Variants in DPP6 observed in about 807,000 individuals in gnomAD.
The protein encoded by DPP6 is A-type potassium channel modulatory protein DPP6.
A neutral mutation model predicts 122.6 loss-of-function variants in DPP6; 69 were observed. That is an observed-to-expected ratio of 0.56 (90% CI 0.46 to 0.69). DPP6 has a LOEUF of 0.69. DPP6 is among the 30% of genes least tolerant of loss of function. DPP6 has a pLI of 0.00. For synonymous variants in DPP6, 418 were observed against 433.1 expected (o/e 0.97, Z 0.43); for missense variants, 928 against 1,116.9 (o/e 0.83, Z 2.41).
Position 154,403,486 on chromosome 7 carries a change from C to T in DPP6, c.244-42728C>T, listed in dbSNP as rs1815819117. ...CCATGCATGAAGACAGGCTGGGGGG[C>T]GCTAATGCAGCTTTCTCTCCTGGAG... On this transcript the variant is annotated intron_variant, in intron 1 of 25. Transcript: ENST00000377770. The surrounding 1 kb of genome is among the most constrained non-coding windows in gnomAD (Gnocchi z 4.1). 6.6e-6 allele frequency among the ~76,000 whole-genome samples: 1 copy of T among 152,110 alleles called. No individual in the cohort carries two copies. The highest frequency in any genetic ancestry group is 1.5e-5 in the Non-Finnish European group (1 of 68,018).
chr7:154,669,310 C>A lies in DPP6; in HGVS notation c.681-50C>A, dbSNP rs368464051. 5.5e-5 allele frequency: 85 copies of A among 1,551,266 alleles called. No individual in the cohort carries two copies. In the African/African-American group the frequency reaches 9.9e-4, roughly 18 times the overall value. ...GGATAAAATTGCAGCAGCTTAAATT[C>A]TTGGTTCCCAACATTTTGCTTTGTT... On this transcript the variant is annotated intron_variant, in intron 6 of 25. Coordinates refer to ENST00000377770, the MANE Select transcript of DPP6 (RefSeq NM_130797.4).
intron 8 of DPP6, among the ~76,000 whole-genome samples, chr7:154,734,345 CT>C (rs1842479558): frequency 6.6e-6 from 1 of 152,222 alleles, no homozygotes; most frequent in South Asian, 2.1e-4. Context: ...CAGAAGCCCC[CT>C]GGAGTGTAGA....
intron 7 of DPP6, among the ~76,000 whole-genome samples, chr7:154,702,691 T>C (rs539387825): frequency 1.3e-5 from 2 of 152,220 alleles, no homozygotes; most frequent in Non-Finnish European, 2.9e-5. Flanking sequence ...GGGTGGTTCA[T>C]GAGGCTTAAG....
chr7:154,663,365 T>G (rs1456763276), intron 6 of DPP6, among the ~76,000 whole-genome samples: 2 of 48,682 alleles, frequency 4.1e-5, no homozygotes, highest in Non-Finnish European at 1.6e-4. Context: ...GTTCATGTAG[T>G]CAAGATGAAT....
chr7:154,807,022 C>G lies in DPP6; in HGVS notation c.1576C>G (p.Gln526Glu). The G allele has an allele frequency of 6.2e-7, 1 of 1,613,874 alleles. No individual in the cohort carries two copies. The change falls in exon 16 of 26, where the codon CAG becomes GAG. Residue 526 changes from glutamine to glutamate, a missense_variant. Physicochemically the swap from Gln to Glu is conservative, Grantham distance 29. Coordinates refer to ENST00000377770, the MANE Select transcript of DPP6 (RefSeq NM_130797.4). ...SANTVGNFNR[Q>E]CLSCDLVENC... ...CAACACGGTGGGCAACTTCAACAGG[C>G]AGTGCCTCTCCTGTGACCTGGTTGA... is the stretch of plus-strand genomic sequence containing the variant.
At chr7:153,861,919 C>T in the DPP6 span, among the ~76,000 whole-genome samples, 1 of 152,314 alleles carries the variant, frequency 6.6e-6, no homozygotes, top group South Asian at 2.1e-4. Context: ...TGTTGCAATC[C>T]AGGTAAACAT....
At chr7:154,703,378 G>A (rs1840631818) in intron 7 of DPP6, among the ~76,000 whole-genome samples, 1 of 152,146 alleles carries the variant, frequency 6.6e-6, no homozygotes, top group Admixed American at 6.5e-5. Flanking sequence ...CAGCACTTTG[G>A]GAGGCCGAGG....
the DPP6 span, among the ~76,000 whole-genome samples, chr7:153,846,687 C>CTTTTTTTTTTTTTTTTTTT: frequency 1.3e-5 from 1 of 78,208 alleles, no homozygotes; most frequent in African/African-American, 5.0e-5. Context: ...TGGCTTGGTT[C>CTTTTTTTTTTTTTTTTTTT]TTTTTTTTTT....
the DPP6 span, among the ~76,000 whole-genome samples, chr7:153,862,113 G>C: frequency 6.6e-6 from 1 of 152,220 alleles, no homozygotes; most frequent in Admixed American, 6.5e-5. Context: ...GCAACATGTG[G>C]CTCCATTTGG....
At chr7:154,064,408 A>T (rs1419616320) in intron 1 of DPP6, among the ~76,000 whole-genome samples, 2 of 152,250 alleles carry the variant, frequency 1.3e-5, no homozygotes, top group South Asian at 2.1e-4. Flanking sequence ...TCATGGTTCA[A>T]TTCATGGCCA....
chr7:154,778,627 CCACCACCACCA>C (rs1396750917), intron 10 of DPP6, among the ~76,000 whole-genome samples: 2 of 151,468 alleles, frequency 1.3e-5, no homozygotes, highest in South Asian at 2.1e-4. Flanking sequence ...TATACAACCT[CCACCACCACCA>C]CACCACCACC....
At chr7:154,217,667 T>A (rs927695738) in intron 1 of DPP6, among the ~76,000 whole-genome samples, 1 of 152,240 alleles carries the variant, frequency 6.6e-6, no homozygotes, top group Non-Finnish European at 1.5e-5. Context: ...ATAAGGTGTC[T>A]ATTAAGAAAT....
At chr7:154,759,003 G>A (rs1795336320) in intron 8 of DPP6, among the ~76,000 whole-genome samples, 1 of 152,172 alleles carries the variant, frequency 6.6e-6, no homozygotes. Context: ...TCTTTACTAG[G>A]GCAGATCCCA....
intron 1 of DPP6, among the ~76,000 whole-genome samples, chr7:154,084,854 G>T (rs1021701684): frequency 6.6e-6 from 1 of 151,794 alleles, no homozygotes; most frequent in Non-Finnish European, 1.5e-5. Flanking sequence ...GCCGGGCATG[G>T]TGGTGGGCGC....
At chr7:153,869,912 C>G in the DPP6 span, among the ~76,000 whole-genome samples, 1 of 152,170 alleles carries the variant, frequency 6.6e-6, no homozygotes, top group South Asian at 2.1e-4. Context: ...ACTTATGAAG[C>G]TTAGTTTGGC....
rs1163267027 is a variant in DPP6, at chr7:154,483,384, T to C, written c.457+8347T>C. 9.5e-6 allele frequency among the ~76,000 whole-genome samples: 1 copy of C among 105,810 alleles called. No homozygotes were observed. The highest frequency in any genetic ancestry group is 2.0e-5 in the Non-Finnish European group (1 of 50,158). 69.4% of individuals were successfully genotyped at this position (105,810 alleles called of 152,430 possible). ...CTGTTAAAGGTAAACTGAGGCACAA[T>C]ACAATTTTTTTTTTTTTAAAAGCAT... On this transcript the variant is annotated intron_variant, in intron 3 of 25. Coordinates refer to ENST00000377770, the MANE Select transcript of DPP6 (RefSeq NM_130797.4). The surrounding 1 kb of genome is among the most constrained non-coding windows in gnomAD (Gnocchi z 8.1).
chr7:154,252,214 G>A (rs1055506863), intron 1 of DPP6, among the ~76,000 whole-genome samples: 5 of 89,860 alleles, frequency 5.6e-5, no homozygotes, highest in South Asian at 3.5e-4. Flanking sequence ...ACAATGTCAC[G>A]TGTGTGTGTG....
chr7:154,804,045 C>T (rs2150456604), intron 14 of DPP6, 90 bp downstream of exon 14: 2 of 1,461,688 alleles, frequency 1.4e-6, no homozygotes, highest in Admixed American at 4.0e-5. Context: ...AGTACAGGAG[C>T]ACAGGAGGCC....
chr7:153,860,291 T>A, the DPP6 span, among the ~76,000 whole-genome samples: 2 of 152,130 alleles, frequency 1.3e-5, no homozygotes, highest in Non-Finnish European at 2.9e-5. Flanking sequence ...ACAAGGCCCC[T>A]CATTGTACCC....
Sources: allele counts gnomAD v4.1 joint callset (sites outside exome capture counted in the v4.1 genomes callset), GRCh38; gene constraint gnomAD v4.1.1; non-coding constraint Gnocchi (gnomAD v3.1); transcripts MANE v1.5; gene names NCBI Gene and HGNC (gene_info 2026-07-23, HGNC 2026-07-21).